The following KCNH8 variants were observed in gnomAD, a reference collection of about 807,000 sequenced individuals.
KCNH8 encodes voltage-gated delayed rectifier potassium channel KCNH8.
In KCNH8, 70 loss-of-function variants were observed where a neutral mutation model predicts 103.6. The ratio of observed to expected loss-of-function variants is 0.68; its 90% confidence interval spans 0.56 to 0.82. The LOEUF (loss-of-function observed/expected upper bound fraction) is 0.82, where lower values mean the gene tolerates loss of function less well. KCNH8 is among the 40% of genes least tolerant of loss of function. KCNH8 has a pLI of 0.00. For synonymous variants in KCNH8, 498 were observed against 489.4 expected, an observed-to-expected ratio of 1.02 and a Z score of -0.23; for missense variants, 1,217 against 1,329.9, an observed-to-expected ratio of 0.92 and a Z score of 1.32.
At chr3:19,291,922 GTAAA>G (rs2064933553) in intron 3 of KCNH8, among the ~76,000 whole-genome samples, 1 of 152,192 alleles carries the variant, frequency 6.6e-6, no homozygotes, top group Non-Finnish European at 1.5e-5. Flanking sequence ...TAGAAACTGA[GTAAA>G]TACTTTCTTA....
intron 8 of KCNH8, chr3:19,449,052 T>A: frequency 1.1e-6 from 1 of 902,760 alleles, no homozygotes; most frequent in Non-Finnish European, 1.6e-6. Context: ...GACTTGATGA[T>A]ACCTAGATGC....
intron 11 of KCNH8, among the ~76,000 whole-genome samples, chr3:19,488,447 T>A (rs940954041): frequency 8.5e-5 from 13 of 152,208 alleles, no homozygotes; most frequent in African/African-American, 3.1e-4. Flanking sequence ...CCCTGCCTGT[T>A]TTTGCAATTT....
At chr3:19,302,086 A>C (rs2065071089) in intron 3 of KCNH8, among the ~76,000 whole-genome samples, 1 of 152,156 alleles carries the variant, frequency 6.6e-6, no homozygotes, top group South Asian at 2.1e-4. Flanking sequence ...TGATTGATTA[A>C]AACATCAGCC....
chr3:19,290,500 A>G (rs1241734555), intron 3 of KCNH8, among the ~76,000 whole-genome samples: 1 of 152,226 alleles, frequency 6.6e-6, no homozygotes, highest in Admixed American at 6.5e-5. Flanking sequence ...ATCTATTGAG[A>G]TAATCATGTG....
chr3:19,191,083 C>T (rs895238953), intron 1 of KCNH8, among the ~76,000 whole-genome samples: 1 of 151,840 alleles, frequency 6.6e-6, no homozygotes, highest in African/African-American at 2.4e-5. Flanking sequence ...AAGATGATCA[C>T]ATCTTGAAAC....
intron 1 of KCNH8, among the ~76,000 whole-genome samples, chr3:19,162,510 CAAAAAGAAAAAG>C (rs113270650): frequency 6.7e-6 from 1 of 148,726 alleles, no homozygotes; most frequent in African/African-American, 2.5e-5. Flanking sequence ...CCTTCTCAAA[CAAAAAGAAAAAG>C]AAAAAGAAAA....
intron 8 of KCNH8, among the ~76,000 whole-genome samples, chr3:19,446,421 A>G (rs1559331421): frequency 6.6e-6 from 1 of 152,068 alleles, no homozygotes; most frequent in Non-Finnish European, 1.5e-5. Context: ...ACATAGTTTT[A>G]TTGGACCCAT....
chr3:19,318,794 A>T (rs1257248433), intron 3 of KCNH8, among the ~76,000 whole-genome samples: 1 of 151,410 alleles, frequency 6.6e-6, no homozygotes, highest in Non-Finnish European at 1.5e-5. Context: ...TTCCCTTTTC[A>T]CCTCATCTAT....
At chr3:19,258,943 C>CTATATATATATATATA (rs1352620384) in intron 2 of KCNH8, among the ~76,000 whole-genome samples, 2 of 53,406 alleles carry the variant, frequency 3.7e-5, no homozygotes, top group African/African-American at 7.9e-5. Flanking sequence ...CTCTCTCTCT[C>CTATATATATATATATA]TCTCTATATA....
intron 5 of KCNH8, among the ~76,000 whole-genome samples, chr3:19,377,780 G>A (rs2066231985): frequency 6.6e-6 from 1 of 152,164 alleles, no homozygotes; most frequent in Non-Finnish European, 1.5e-5. Flanking sequence ...ATGATAAAAG[G>A]TCACATTTTG....
rs369821294 is a variant in KCNH8 at position 19,474,433 on chromosome 3, G to A, written c.2040+17451G>A. 1.7e-4 allele frequency among the ~76,000 whole-genome samples: 26 copies of A among 152,180 alleles called. No homozygotes were observed. In the South Asian group the frequency reaches 4.4e-3, roughly 25 times the overall value. On this transcript the variant is annotated intron_variant, in intron 11 of 15. Coordinates refer to ENST00000328405, the MANE Select transcript of KCNH8 (RefSeq NM_144633.3). ...CAGCATGCCAGGATGCCAAAAGAGC[G>A]GCAGCTTTGAGTGGAGGAAACAGCA...
At chr3:19,352,615 A>G (rs1553640515) in intron 5 of KCNH8, among the ~76,000 whole-genome samples, 2 of 152,218 alleles carry the variant, frequency 1.3e-5, no homozygotes, top group Admixed American at 6.5e-5. Context: ...AAACTGAACA[A>G]TGTGCTCCTG....
intron 3 of KCNH8, among the ~76,000 whole-genome samples, chr3:19,300,373 C>T (rs2065050845): frequency 6.6e-6 from 1 of 152,018 alleles, no homozygotes. Context: ...GAAGACTCAC[C>T]ATGGGGCAAG....
At chr3:19,426,310 GA>G (rs1298137160) in intron 7 of KCNH8, among the ~76,000 whole-genome samples, 1 of 152,012 alleles carries the variant, frequency 6.6e-6, no homozygotes, top group Non-Finnish European at 1.5e-5. Flanking sequence ...TTGCCACATG[GA>G]AATTAAAACA....
rs541343635 is a variant in KCNH8 at position 19,309,315 on chromosome 3, G to A, written c.442+27986G>A. ...ACTTCCATTTTATGCAAGTTACCAA[G>A]GGATGGAGAAGAACTGCCTGAATAT... On this transcript the variant is annotated intron_variant, in intron 3 of 15. Transcript: ENST00000328405. 9.2e-5 allele frequency among the ~76,000 whole-genome samples: 14 copies of A among 152,026 alleles called. No homozygotes were observed. The East Asian group carries it at 2.7e-3, about 30-fold the overall frequency.
intron 11 of KCNH8, among the ~76,000 whole-genome samples, chr3:19,497,260 T>G (rs2068463091): frequency 6.6e-6 from 1 of 152,196 alleles, no homozygotes; most frequent in South Asian, 2.1e-4. Flanking sequence ...TTAGCTCTAA[T>G]TTTGGTTATT....
chr3:19,392,775 A>G (rs1356914194), intron 6 of KCNH8, among the ~76,000 whole-genome samples: 2 of 152,034 alleles, frequency 1.3e-5, no homozygotes, highest in Non-Finnish European at 2.9e-5. Flanking sequence ...GAAGGCACTT[A>G]TAAGAGATAC....
At chr3:19,438,507 A>G (rs2067233770) in intron 8 of KCNH8, 146 bp downstream of exon 8, 9 of 685,926 alleles carry the variant, frequency 1.3e-5, no homozygotes, top group Non-Finnish European at 2.1e-5. Flanking sequence ...GTCTAGATGC[A>G]AAGCTGTAGT....
At chr3:19,437,891 C>A (rs1369471567) in intron 7 of KCNH8, among the ~76,000 whole-genome samples, 1 of 152,154 alleles carries the variant, frequency 6.6e-6, no homozygotes, top group Non-Finnish European at 1.5e-5. Flanking sequence ...CAGTTTGTTT[C>A]TTGCATTAGA....
Sources: gnomAD v4.1 joint callset for allele counts (sites outside exome capture counted in the v4.1 genomes callset) on GRCh38, gnomAD v4.1.1 for gene constraint, MANE v1.5 for transcripts, NCBI Gene and HGNC (gene_info 2026-07-23, HGNC 2026-07-21) for gene names.